The following SLC6A16 variants were observed in gnomAD, a reference collection of about 807,000 sequenced individuals.
The protein encoded by SLC6A16 is orphan sodium- and chloride-dependent neurotransmitter transporter NTT5.
In SLC6A16, 54 loss-of-function variants were observed where a neutral mutation model predicts 65.4. That is an observed-to-expected ratio of 0.83 (90% CI 0.66 to 1.04). SLC6A16 has a LOEUF of 1.04. SLC6A16 is among the 50% of genes least tolerant of loss of function. The probability of loss-of-function intolerance (pLI) is 0.00; values close to 1 mark genes in which losing one functional copy is unlikely to be tolerated. For missense variants in SLC6A16, 816 were observed against 914.0 expected (o/e 0.89, Z 1.38); for synonymous variants, 330 against 346.5 (o/e 0.95, Z 0.53).
At chr19:49,309,560 G>GCCAAAC in intron 5 of SLC6A16, 91 bp downstream of exon 5, 1 of 1,349,462 alleles carries the variant, frequency 7.4e-7, no homozygotes, top group Non-Finnish European at 1.0e-6. Flanking sequence ...AAAAGCCAAA[G>GCCAAAC]GAGTAAGAGA....
At chr19:49,301,264 G>A (rs1036602921) in intron 7 of SLC6A16, among the ~76,000 whole-genome samples, 2 of 152,150 alleles carry the variant, frequency 1.3e-5, no homozygotes, top group African/African-American at 4.8e-5. Flanking sequence ...CTCTTTCAGG[G>A]ATAATGAGAG....
At chr19:49,297,598 G>A (rs1357246040) in intron 7 of SLC6A16, among the ~76,000 whole-genome samples, 6 of 151,942 alleles carry the variant, frequency 3.9e-5, no homozygotes, top group Non-Finnish European at 7.3e-5. Context: ...GTTTATCCAA[G>A]AGAAATGAAA....
At chr19:49,339,335 C>T in the SLC6A16 span, 13 of 1,613,594 alleles carry the variant, frequency 8.1e-6, no homozygotes, top group South Asian at 1.1e-4. This position sits in a 1 kb window ranked among gnomAD's most constrained non-coding sequence, Gnocchi z 4.5. Flanking sequence ...CCCAGGGCTG[C>T]GCGCAGGGCC....
chr19:49,304,800 A>T (rs367802300), intron 7 of SLC6A16, among the ~76,000 whole-genome samples: 1 of 152,250 alleles, frequency 6.6e-6, no homozygotes, highest in Non-Finnish European at 1.5e-5. Context: ...AAGATAGATC[A>T]TCCAATATTT....
At chr19:49,319,456 CATATGTGT>C (rs1015241876) in intron 1 of SLC6A16, among the ~76,000 whole-genome samples, 19 of 134,992 alleles carry the variant, frequency 1.4e-4, no homozygotes, top group South Asian at 2.4e-4. Context: ...TATACATATA[CATATGTGT>C]ATATGTGTAT....
upstream of SLC6A16, among the ~76,000 whole-genome samples, chr19:49,329,869 G>A (rs917648783): frequency 1.1e-4 from 16 of 151,994 alleles, no homozygotes; most frequent in Non-Finnish European, 1.0e-4. Context: ...TCCTGAACTC[G>A]TGATCCGCCC....
intron 7 of SLC6A16, among the ~76,000 whole-genome samples, chr19:49,303,666 GA>G (rs1179978222): frequency 6.2e-5 from 3 of 48,318 alleles, no homozygotes; most frequent in African/African-American, 1.4e-4. Flanking sequence ...AAAAAAAAAA[GA>G]AAAAAGAAAA....
chr19:49,333,014 T>G, the SLC6A16 span, among the ~76,000 whole-genome samples: 3 of 150,762 alleles, frequency 2.0e-5, no homozygotes, highest in South Asian at 2.1e-4. Context: ...ATACAAAAAT[T>G]AGTCAGGTAT....
chr19:49,313,072 C>CAAAA lies in SLC6A16; in HGVS notation c.-64-1665_-64-1662dup, dbSNP rs5828385. ...CACTCCAGCCTGGGCAACCCTGTCT[C>CAAAA]AAAAAAAAAAAAAAAAAAAAAAAGA... On this transcript the variant is annotated intron_variant, in intron 1 of 11. Coordinates refer to ENST00000335875, the MANE Select transcript of SLC6A16 (RefSeq NM_014037.3). Among the ~76,000 whole-genome samples, 258 of 95,748 alleles carry CAAAA rather than the reference C, an allele frequency of 2.7e-3. 13 individuals are homozygous for CAAAA. Among genetic ancestry groups the CAAAA allele is most frequent in the African/African-American group, 0.013 (245 of 18,958 alleles). 62.8% of individuals were successfully genotyped at this position (95,748 alleles called of 152,430 possible). A position where few individuals can be genotyped will look rare whatever the true frequency, so the allele number is the denominator to read the frequency against.
intron 7 of SLC6A16, among the ~76,000 whole-genome samples, chr19:49,297,231 C>CA (rs946041521): frequency 6.6e-5 from 10 of 151,566 alleles, no homozygotes; most frequent in South Asian, 2.1e-4. Context: ...TTTCACCGCC[C>CA]AAAAAAAACC....
chr19:49,310,029 TTCC>T lies in SLC6A16; in HGVS notation c.700+8_700+10del. 6.2e-7 allele frequency: 1 copy of T among 1,613,326 alleles called. No individual in the cohort carries two copies. Among genetic ancestry groups the T allele is most frequent in the Non-Finnish European group, 8.5e-7 (1 of 1,179,444 alleles). On this transcript the variant is annotated splice_region_variant and intron_variant, in intron 4 of 11. Transcript: ENST00000335875. Reference sequence around the variant, plus strand: ...TTTTTCCCTTCTCCTCTTCTTTCACTTCCTCCTCACCAAAGCCACTAGAGTTCA... The same window carrying T: ...TTTTTCCCTTCTCCTCTTCTTTCACTTCCTCACCAAAGCCACTAGAGTTCA...
intron 1 of SLC6A16, chr19:49,312,469 T>C (rs750538429): frequency 9.3e-5 from 61 of 658,228 alleles, no homozygotes; most frequent in Non-Finnish European, 1.1e-4. Context: ...TCATTGTCCA[T>C]CTCTGCCTAC....
the SLC6A16 span, chr19:49,339,014 G>A: frequency 3.1e-3 from 3,631 of 1,165,062 alleles, 30 homozygotes; most frequent in East Asian, 0.034. The surrounding 1 kb of genome is among the most constrained non-coding windows in gnomAD (Gnocchi z 4.5). Flanking sequence ...GTGAGTAGCG[G>A]CCTGAGAAAG....
At chr19:49,316,296 C>T (rs1970612201) in intron 1 of SLC6A16, among the ~76,000 whole-genome samples, 1 of 151,984 alleles carries the variant, frequency 6.6e-6, no homozygotes, top group African/African-American at 2.4e-5. Flanking sequence ...AGATTGCAAG[C>T]CCAAAATCCA....
chr19:49,324,891 C>T (rs560416963), intron 1 of SLC6A16, among the ~76,000 whole-genome samples, 157 bp downstream of exon 1: 4 of 152,308 alleles, frequency 2.6e-5, no homozygotes, highest in African/African-American at 9.6e-5. Context: ...CCTTTGATCC[C>T]TCAGCTCCAC....
rs766785150 is a variant in SLC6A16, at chr19:49,293,932, A to G, written c.1513T>C (p.Leu505=). 3 of 1,614,042 alleles carry G rather than the reference A, an allele frequency of 1.9e-6. No homozygotes were observed. The highest frequency in any genetic ancestry group is 2.2e-5 in the South Asian group (2 of 91,078). ...VFWSFIFFLM[L]LAMGLSSAIG... ...GCGCTGCTCAGCCCCATGGCCAGCA[A>G]CATCAGGAAGAAGATAAAAGACCAG... is the stretch of plus-strand genomic sequence containing the variant. The change falls in exon 9 of 12, where the codon TTG becomes CTG. Residue 505 remains leucine, a synonymous_variant. Transcript: ENST00000335875.
chr19:49,321,924 C>T (rs1027929512), intron 1 of SLC6A16, among the ~76,000 whole-genome samples: 15 of 107,020 alleles, frequency 1.4e-4, no homozygotes, highest in Non-Finnish European at 1.2e-4. Context: ...CATGTCTCAG[C>T]AAAAAAAAAA....
intron 7 of SLC6A16, among the ~76,000 whole-genome samples, chr19:49,307,772 T>C (rs1450110501): frequency 1.3e-5 from 2 of 149,332 alleles, no homozygotes; most frequent in African/African-American, 4.9e-5. Flanking sequence ...AAAAGATTAC[T>C]GGGAGAAATT....
chr19:49,338,215 G>A, the SLC6A16 span: 23 of 1,432,506 alleles, frequency 1.6e-5, no homozygotes, highest in African/African-American at 3.0e-4. This position sits in a 1 kb window ranked among gnomAD's most constrained non-coding sequence, Gnocchi z 5.0. Context: ...TGGTCTCCCA[G>A]TACCCAGACC....
Sources: allele counts gnomAD v4.1 joint callset (sites outside exome capture counted in the v4.1 genomes callset), GRCh38; gene constraint gnomAD v4.1.1; non-coding constraint Gnocchi (gnomAD v3.1); transcripts MANE v1.5; gene names NCBI Gene and HGNC (gene_info 2026-07-23, HGNC 2026-07-21).